ADK: variants seen among roughly 807,000 people sequenced by gnomAD.
ADK encodes the protein adenosine kinase, also known as N6,N6-dimethyladenosine kinase.
A neutral mutation model predicts 44.7 loss-of-function variants in ADK; 24 were observed. The ratio of observed to expected loss-of-function variants is 0.54; its 90% CI spans 0.39 to 0.76. The LOEUF (loss-of-function observed/expected upper bound fraction) is 0.76. Ranked by LOEUF, ADK falls within the 30% of genes least tolerant of loss-of-function variation. The probability of loss-of-function intolerance (pLI) is 0.00; values close to 1 mark genes in which losing one functional copy is unlikely to be tolerated. For missense variants in ADK, 321 were observed against 425.1 expected, an observed-to-expected ratio of 0.76 and a Z score of 2.15; for synonymous variants, 128 against 142.6, an observed-to-expected ratio of 0.90 and a Z score of 0.73.
intron 6 of ADK, among the ~76,000 whole-genome samples, chr10:74,457,307 A>G (rs535394883): frequency 1.3e-5 from 2 of 152,318 alleles, no homozygotes; most frequent in South Asian, 2.1e-4. Flanking sequence ...GAATAGACCA[A>G]TAACAAGTTC....
At chr10:74,196,759 G>A (rs188843887) in intron 1 of ADK, among the ~76,000 whole-genome samples, 154 of 152,254 alleles carry the variant, frequency 1.0e-3, no homozygotes, top group African/African-American at 3.6e-3. Context: ...GAAATAACCT[G>A]TACAACAAAC....
chr10:74,653,391 G>T (rs1007533545), intron 9 of ADK, among the ~76,000 whole-genome samples: 1 of 152,152 alleles, frequency 6.6e-6, no homozygotes, highest in Non-Finnish European at 1.5e-5. Flanking sequence ...GGCAGAGGTT[G>T]CAGTGAGCCG....
chr10:74,253,820 G>A (rs968557291), intron 3 of ADK, among the ~76,000 whole-genome samples: 1 of 144,050 alleles, frequency 6.9e-6, no homozygotes, highest in Non-Finnish European at 1.5e-5. Context: ...AGGCTGGAGT[G>A]CAGGGGTGTG....
intron 4 of ADK, among the ~76,000 whole-genome samples, chr10:74,364,279 A>G (rs141177996): frequency 7.0e-4 from 107 of 152,272 alleles, no homozygotes; most frequent in African/African-American, 2.6e-3. Flanking sequence ...ATGTGCTCCT[A>G]TCCCACTATT....
At chr10:74,249,496 TACACACAC>T (rs72380023) in intron 3 of ADK, among the ~76,000 whole-genome samples, 155 of 149,156 alleles carry the variant, frequency 1.0e-3, no homozygotes, top group Non-Finnish European at 1.6e-3. Context: ...TGTACATGCA[TACACACAC>T]ACACACACAC....
At chr10:74,502,096 A>G (rs970763428) in intron 6 of ADK, among the ~76,000 whole-genome samples, 1 of 152,158 alleles carries the variant, frequency 6.6e-6, no homozygotes, top group African/African-American at 2.4e-5. Flanking sequence ...TGAAAAAACT[A>G]AAACTCATCA....
intron 1 of ADK, among the ~76,000 whole-genome samples, chr10:74,152,652 T>G (rs1841636889): frequency 6.6e-6 from 1 of 152,222 alleles, no homozygotes; most frequent in Admixed American, 6.5e-5. Context: ...CTGATCCATT[T>G]TCACTGTGTT....
chr10:74,533,072 T>C (rs1028097176), intron 7 of ADK, among the ~76,000 whole-genome samples: 2 of 151,926 alleles, frequency 1.3e-5, no homozygotes, highest in African/African-American at 2.4e-5. Flanking sequence ...CATCAAAAAG[T>C]ATAACAAAGT....
At chr10:74,361,914 T>C (rs1304232960) in intron 4 of ADK, among the ~76,000 whole-genome samples, 1 of 152,232 alleles carries the variant, frequency 6.6e-6, no homozygotes, top group Non-Finnish European at 1.5e-5. Context: ...AGGTTTCTGC[T>C]GATAAGTCTG....
At chr10:74,218,059 C>T (rs184878993) in intron 2 of ADK, among the ~76,000 whole-genome samples, 21 of 152,098 alleles carry the variant, frequency 1.4e-4, no homozygotes, top group Admixed American at 7.9e-4. Flanking sequence ...AGGCTTCAGA[C>T]GATCAAACTA....
chr10:74,576,159 AATAAG>A (rs1851176569), intron 7 of ADK, among the ~76,000 whole-genome samples: 1 of 152,198 alleles, frequency 6.6e-6, no homozygotes, highest in Non-Finnish European at 1.5e-5. Context: ...GAATGTAGCA[AATAAG>A]ATAAGCAACA....
At chr10:74,277,565 A>AT (rs1373642007) in intron 3 of ADK, among the ~76,000 whole-genome samples, 2 of 151,398 alleles carry the variant, frequency 1.3e-5, no homozygotes, top group East Asian at 1.9e-4. Context: ...CCTGGGTAAT[A>AT]TTTTTTTGTA....
At chr10:74,505,119 G>C (rs1324158217) in intron 6 of ADK, among the ~76,000 whole-genome samples, 1 of 152,082 alleles carries the variant, frequency 6.6e-6, no homozygotes, top group Non-Finnish European at 1.5e-5. Flanking sequence ...GGAAAGGATG[G>C]CAGAAGAGGT....
At chr10:74,208,059 G>C (rs1843667272) in intron 2 of ADK, among the ~76,000 whole-genome samples, 1 of 152,260 alleles carries the variant, frequency 6.6e-6, no homozygotes, top group Non-Finnish European at 1.5e-5. Context: ...ACACCTGCTG[G>C]GTTGTGACAG....
Position 74,450,034 on chromosome 10 carries a change from A to G in ADK, c.555+51455A>G, listed in dbSNP as rs1232348634. Among the ~76,000 whole-genome samples the G allele has an allele frequency of 3.9e-5, 6 of 152,132 alleles. No individual in the cohort carries two copies. In the South Asian group the frequency reaches 6.2e-4, roughly 16 times the overall value. ...AATATTAAGACTCAGGGCCAGGCAC[A>G]TTGTCTCACATCTGTAATCCCAGCA... On this transcript the variant is annotated intron_variant, in intron 6 of 10. Transcript: ENST00000539909.
At chr10:74,366,640 A>C (rs1287417602) in intron 4 of ADK, among the ~76,000 whole-genome samples, 1 of 152,190 alleles carries the variant, frequency 6.6e-6, no homozygotes, top group Admixed American at 6.5e-5. Context: ...TATAAATATC[A>C]GTGTGCCATA....
chr10:74,508,964 T>C (rs1848189562), intron 6 of ADK, among the ~76,000 whole-genome samples: 1 of 152,148 alleles, frequency 6.6e-6, no homozygotes, highest in Non-Finnish European at 1.5e-5. Flanking sequence ...TTTTATTTTA[T>C]AAGAAACAAG....
chr10:74,517,163 T>G (rs962414387), intron 6 of ADK, among the ~76,000 whole-genome samples: 6 of 152,130 alleles, frequency 3.9e-5, no homozygotes, highest in South Asian at 2.1e-4. Context: ...CAGTGTGCAT[T>G]CACCACATTC....
At chr10:74,313,846 T>G (rs551752178) in intron 3 of ADK, among the ~76,000 whole-genome samples, 2 of 152,124 alleles carry the variant, frequency 1.3e-5, no homozygotes, top group African/African-American at 2.4e-5. Context: ...ATTTCTTATA[T>G]TTTCTATCTA....
Sources: gnomAD v4.1 joint callset for allele counts (sites outside exome capture counted in the v4.1 genomes callset) on GRCh38, gnomAD v4.1.1 for gene constraint, MANE v1.5 for transcripts, NCBI Gene and HGNC (gene_info 2026-07-23, HGNC 2026-07-21) for gene names.